Variants in HEMK2 observed in about 807,000 individuals in gnomAD.
HEMK2 encodes the protein HemK methyltransferase 2, ETF1 glutamine and histone H4 lysine.
At chr21:28,710,981 G>A in the HEMK2 span, among the ~76,000 whole-genome samples, 1 of 151,812 alleles carries the variant, frequency 6.6e-6, no homozygotes, top group Non-Finnish European at 1.5e-5. Context: ...CTTTTCTGCT[G>A]GTGGCACCTA....
At chr21:28,632,621 AGTCT>A in the HEMK2 span, among the ~76,000 whole-genome samples, 2 of 152,200 alleles carry the variant, frequency 1.3e-5, no homozygotes, top group Non-Finnish European at 2.9e-5. Flanking sequence ...AACATTACCA[AGTCT>A]GTTTCTCTGT....
At chr21:28,856,071 T>C in the HEMK2 span, among the ~76,000 whole-genome samples, 2 of 141,654 alleles carry the variant, frequency 1.4e-5, no homozygotes. Flanking sequence ...TATTCCTTTG[T>C]TAGAGTGATA....
At chr21:28,723,027 G>A in the HEMK2 span, among the ~76,000 whole-genome samples, 1 of 151,228 alleles carries the variant, frequency 6.6e-6, no homozygotes, top group Non-Finnish European at 1.5e-5. Flanking sequence ...AAAAAAAATA[G>A]AGACAAGTCT....
chr21:28,761,092 T>C, the HEMK2 span, among the ~76,000 whole-genome samples: 5 of 152,258 alleles, frequency 3.3e-5, no homozygotes, highest in East Asian at 7.7e-4. Context: ...GCCCAGTATA[T>C]GATTATTTTT....
the HEMK2 span, among the ~76,000 whole-genome samples, chr21:28,729,911 C>G: frequency 6.6e-6 from 1 of 152,102 alleles, no homozygotes; most frequent in African/African-American, 2.4e-5. Flanking sequence ...GCAAAACACA[C>G]GTGGAGAACA....
the HEMK2 span, among the ~76,000 whole-genome samples, chr21:28,726,407 A>G: frequency 6.6e-6 from 1 of 152,196 alleles, no homozygotes; most frequent in African/African-American, 2.4e-5. Context: ...TAATCTCTCC[A>G]TGAATGAATA....
chr21:28,639,833 G>T, the HEMK2 span, among the ~76,000 whole-genome samples: 1 of 152,174 alleles, frequency 6.6e-6, no homozygotes, highest in Non-Finnish European at 1.5e-5. Context: ...GATTCTAGTT[G>T]TTAAAAATCT....
the HEMK2 span, among the ~76,000 whole-genome samples, chr21:28,627,793 G>A: frequency 6.6e-6 from 1 of 152,236 alleles, no homozygotes; most frequent in East Asian, 1.9e-4. Flanking sequence ...CAACCTCCCT[G>A]CTCTTTTTCT....
At chr21:28,765,592 C>T in the HEMK2 span, among the ~76,000 whole-genome samples, 2 of 152,140 alleles carry the variant, frequency 1.3e-5, no homozygotes, top group South Asian at 2.1e-4. Context: ...TTTGTCATTG[C>T]CTTTTTGAAA....
the HEMK2 span, among the ~76,000 whole-genome samples, chr21:28,609,567 GA>G: frequency 9.0e-6 from 1 of 111,384 alleles, no homozygotes; most frequent in East Asian, 4.1e-4. Context: ...GAATTGCCAG[GA>G]AAAAAAAAAA....
the HEMK2 span, among the ~76,000 whole-genome samples, chr21:28,648,191 G>A: frequency 6.6e-6 from 1 of 152,116 alleles, no homozygotes; most frequent in Admixed American, 6.5e-5. Flanking sequence ...TCCATGTTTG[G>A]ACATTACTAA....
At chr21:28,605,416 C>A in the HEMK2 span, among the ~76,000 whole-genome samples, 1 of 152,240 alleles carries the variant, frequency 6.6e-6, no homozygotes, top group Admixed American at 6.5e-5. Flanking sequence ...TCATGTGTCA[C>A]TCTTAAATAC....
chr21:28,688,464 A>G, the HEMK2 span, among the ~76,000 whole-genome samples: 4 of 152,122 alleles, frequency 2.6e-5, no homozygotes, highest in Admixed American at 6.6e-5. Context: ...GCTGTTAGAA[A>G]AAGTTTATTA....
the HEMK2 span, chr21:28,878,074 T>A: frequency 1.2e-6 from 1 of 861,814 alleles, no homozygotes; most frequent in East Asian, 3.2e-5. Flanking sequence ...TGTCAGTGAT[T>A]AACTGTTTTA....
the HEMK2 span, chr21:28,878,094 T>C: frequency 9.1e-7 from 1 of 1,092,986 alleles, no homozygotes; most frequent in Non-Finnish European, 1.3e-6. Context: ...AAGTGATTCA[T>C]TAACATGCCA....
At chr21:28,825,286 G>A in the HEMK2 span, among the ~76,000 whole-genome samples, 4 of 152,212 alleles carry the variant, frequency 2.6e-5, no homozygotes, top group African/African-American at 9.6e-5. Context: ...TAGGTCTGGA[G>A]AGGGGCCTAG....
At chr21:28,701,561 C>T in the HEMK2 span, among the ~76,000 whole-genome samples, 1 of 112,352 alleles carries the variant, frequency 8.9e-6, no homozygotes, top group East Asian at 2.2e-4. Context: ...CACACACATA[C>T]ACACACACAC....
the HEMK2 span, among the ~76,000 whole-genome samples, chr21:28,877,535 GA>G: frequency 7.0e-6 from 1 of 141,932 alleles, no homozygotes; most frequent in Non-Finnish European, 1.5e-5. Flanking sequence ...AAAGAGAAGA[GA>G]AGAGAGAGAG....
At chr21:28,775,469 T>C in the HEMK2 span, among the ~76,000 whole-genome samples, 5 of 152,162 alleles carry the variant, frequency 3.3e-5, no homozygotes, top group African/African-American at 7.2e-5. Flanking sequence ...TATTGAAATA[T>C]ACACACATGT....
Sources: gnomAD v4.1 joint callset for allele counts (sites outside exome capture counted in the v4.1 genomes callset) on GRCh38, gnomAD v4.1.1 for gene constraint, MANE v1.5 for transcripts, NCBI Gene and HGNC (gene_info 2026-07-23, HGNC 2026-07-21) for gene names.